Variants in CSMD3 observed in about 807,000 individuals in gnomAD.
CSMD3 encodes CUB and Sushi multiple domains 3.
A neutral mutation model predicts 435.2 loss-of-function variants in CSMD3; 177 were observed. The ratio of observed to expected loss-of-function variants is 0.41; its 90% CI spans 0.36 to 0.46. CSMD3 has a LOEUF of 0.46. Ranked by LOEUF, CSMD3 falls within the 20% of genes least tolerant of loss-of-function variation. The pLI, the probability that CSMD3 is intolerant of heterozygous loss-of-function variation, is 0.34. For missense variants in CSMD3, 4,265 were observed against 4,504.6 expected, an observed-to-expected ratio of 0.95 and a Z score of 1.52; for synonymous variants, 1,656 against 1,520.5, an observed-to-expected ratio of 1.09 and a Z score of -2.07.
rs1053617726 is a variant in CSMD3, at chr8:112,690,594, C to G, written c.1973-544G>C. 2.3e-3 allele frequency among the ~76,000 whole-genome samples: 346 copies of G among 150,010 alleles called. 3 individuals are homozygous for G. The highest frequency in any genetic ancestry group is 8.1e-3 in the African/African-American group (330 of 40,780). On this transcript the variant is annotated intron_variant, in intron 13 of 70. Coordinates refer to ENST00000297405, the MANE Select transcript of CSMD3 (RefSeq NM_198123.2). ...AATTATTTTCCCAACTAGACCCCCC[C>G]CCCCAACAAAAAAAAAATCTTCTCA...
chr8:112,368,019 A>T (rs940717901), intron 38 of CSMD3, among the ~76,000 whole-genome samples: 6 of 152,160 alleles, frequency 3.9e-5, no homozygotes, highest in Non-Finnish European at 7.4e-5. Context: ...GTTTTTAGGG[A>T]ACCTCAAAAA....
intron 16 of CSMD3, among the ~76,000 whole-genome samples, chr8:112,673,620 C>T (rs1294676195): frequency 6.6e-6 from 1 of 152,130 alleles, no homozygotes; most frequent in African/African-American, 2.4e-5. Flanking sequence ...CAAAAGAACT[C>T]TCTCTAAAAA....
At chr8:113,337,296 C>T (rs1430836134) in intron 1 of CSMD3, among the ~76,000 whole-genome samples, 1 of 151,994 alleles carries the variant, frequency 6.6e-6, no homozygotes, top group African/African-American at 2.4e-5. Context: ...TTGTTTGTAG[C>T]ATGAGAAATG....
At chr8:112,499,629 G>C (rs963755841) in intron 30 of CSMD3, among the ~76,000 whole-genome samples, 1 of 151,986 alleles carries the variant, frequency 6.6e-6, no homozygotes, top group Non-Finnish European at 1.5e-5. Flanking sequence ...AATATAATAA[G>C]TTATAGATTT....
chr8:112,727,082 A>T (rs997813333), intron 13 of CSMD3, among the ~76,000 whole-genome samples: 2 of 151,856 alleles, frequency 1.3e-5, no homozygotes, highest in African/African-American at 4.8e-5. Context: ...AGACTATATT[A>T]AAAAATCTCA....
At chr8:112,500,091 A>G (rs1821793404) in intron 30 of CSMD3, among the ~76,000 whole-genome samples, 2 of 152,210 alleles carry the variant, frequency 1.3e-5, no homozygotes, top group South Asian at 2.1e-4. Context: ...TCTGGGCAAC[A>G]CAGCGATACT....
chr8:112,556,890 T>G lies in CSMD3; in HGVS notation c.4107A>C (p.Gln1369His), dbSNP rs202053990. The G allele has an allele frequency of 5.0e-5, 81 of 1,611,384 alleles. No individual in the cohort carries two copies. Among genetic ancestry groups the G allele is most frequent in the Non-Finnish European group, 4.2e-6 (5 of 1,178,106 alleles). ...IPQFGYKISDQGHFAGSTIIY... is the reference protein window; with the variant it reads ...IPQFGYKISDHGHFAGSTIIY... Reference sequence around the variant, plus strand: ...TGATGGTGCTACCAGCAAAGTGGCCTTGGTCACTGATCTTGTATCCAAATT... The same window carrying G: ...TGATGGTGCTACCAGCAAAGTGGCCGTGGTCACTGATCTTGTATCCAAATT... The change falls in exon 25 of 71, where the codon CAA (glutamine) becomes CAC (histidine). Residue 1369 changes from glutamine (Q) to histidine (H), a missense_variant. By Grantham distance (24) the Gln-to-His change is conservative. Coordinates refer to ENST00000297405, the MANE Select transcript of CSMD3 (RefSeq NM_198123.2).
intron 1 of CSMD3, among the ~76,000 whole-genome samples, chr8:113,341,203 A>C (rs910010354): frequency 6.6e-6 from 1 of 152,144 alleles, no homozygotes; most frequent in Non-Finnish European, 1.5e-5. Context: ...ATAAACATAT[A>C]AGCATATGTA....
chr8:112,351,301 G>C, intron 39 of CSMD3, 57 bp from the exon 40 acceptor site: 1 of 1,095,210 alleles, frequency 9.1e-7, no homozygotes, highest in South Asian at 1.3e-5. Flanking sequence ...TAAATTTATT[G>C]TAGCATAGTC....
At chr8:112,762,214 CA>C (rs2077856747) in intron 13 of CSMD3, among the ~76,000 whole-genome samples, 1 of 151,916 alleles carries the variant, frequency 6.6e-6, no homozygotes, top group South Asian at 2.1e-4. Flanking sequence ...GAGAACGAGG[CA>C]GCAGATATGT....
chr8:112,649,665 A>G (rs6469431), intron 19 of CSMD3, among the ~76,000 whole-genome samples: 50,450 of 152,008 alleles, frequency 0.33, 8,687 homozygotes, highest in African/African-American at 0.42. Context: ...AAGGAACACT[A>G]GTATGCTATT....
At chr8:112,348,410 T>C (rs1276737991) in intron 40 of CSMD3, among the ~76,000 whole-genome samples, 1 of 152,216 alleles carries the variant, frequency 6.6e-6, no homozygotes, top group Non-Finnish European at 1.5e-5. Context: ...GATTGCTTAT[T>C]TTCCAGTTCA....
intron 64 of CSMD3, among the ~76,000 whole-genome samples, chr8:112,246,713 A>G (rs550618934): frequency 6.6e-6 from 1 of 152,296 alleles, no homozygotes; most frequent in African/African-American, 2.4e-5. Context: ...ATTACTTCAG[A>G]CTGATAGATG....
chr8:112,540,298 C>T (rs951141416), intron 27 of CSMD3, among the ~76,000 whole-genome samples: 4 of 150,798 alleles, frequency 2.7e-5, no homozygotes, highest in Admixed American at 6.6e-5. Context: ...GAGAAAGATG[C>T]AAAAAAAAGA....
At chr8:112,352,279 A>G (rs906914798) in intron 39 of CSMD3, 137 bp downstream of exon 39, 5 of 1,312,058 alleles carry the variant, frequency 3.8e-6, no homozygotes, top group Non-Finnish European at 5.3e-6. Flanking sequence ...ATATTTTATT[A>G]TCAAATTGAG....
chr8:113,431,464 G>A (rs16892652), intron 1 of CSMD3, among the ~76,000 whole-genome samples: 1,953 of 152,194 alleles, frequency 0.013, 49 homozygotes, highest in African/African-American at 0.045. Context: ...ACAAGATGGC[G>A]TATTTTCTCA....
intron 1 of CSMD3, among the ~76,000 whole-genome samples, chr8:113,362,803 A>T (rs1382852489): frequency 6.6e-6 from 1 of 152,176 alleles, no homozygotes; most frequent in Non-Finnish European, 1.5e-5. Context: ...CTGGATTTTC[A>T]TAAGAACTTC....
At chr8:113,425,300 AATT>A (rs912285941) in intron 1 of CSMD3, among the ~76,000 whole-genome samples, 21 of 151,482 alleles carry the variant, frequency 1.4e-4, no homozygotes, top group African/African-American at 5.1e-4. Context: ...TTATATAAAA[AATT>A]AATTTGATAT....
At chr8:112,984,239 A>G (rs2085163785) in intron 6 of CSMD3, among the ~76,000 whole-genome samples, 1 of 151,864 alleles carries the variant, frequency 6.6e-6, no homozygotes, top group South Asian at 2.1e-4. Flanking sequence ...TTCTTATGTG[A>G]TTATTATGCT....
Sources: allele counts gnomAD v4.1 joint callset (sites outside exome capture counted in the v4.1 genomes callset), GRCh38; gene constraint gnomAD v4.1.1; transcripts MANE v1.5; gene names NCBI Gene and HGNC (gene_info 2026-07-23, HGNC 2026-07-21).